Variants in DNAI7 observed in about 807,000 individuals in gnomAD.
DNAI7 encodes dynein axonemal intermediate chain 7, also known as cancer susceptibility 1.
A neutral mutation model predicts 86.6 loss-of-function variants in DNAI7; 78 were observed. That is an observed-to-expected ratio of 0.90 (90% confidence interval 0.75 to 1.09). The LOEUF (loss-of-function observed/expected upper bound fraction) is 1.09, where lower values mean the gene tolerates loss of function less well. Among genes scored for constraint, DNAI7 ranks in the 50% least tolerant of loss-of-function variants. The probability of loss-of-function intolerance (pLI) is 0.00; values close to 1 mark genes in which losing one functional copy is unlikely to be tolerated. For missense variants in DNAI7, 753 were observed against 810.2 expected, an observed-to-expected ratio of 0.93 and a Z score of 0.86; for synonymous variants, 274 against 273.0, an observed-to-expected ratio of 1.00 and a Z score of -0.04.
rs775916614 is a variant in DNAI7 at position 25,154,412 on chromosome 12, T to C, written c.345A>G (p.Val115=). 3.1e-6 allele frequency: 5 copies of C among 1,611,514 alleles called. No individual in the cohort carries two copies. The South Asian group carries it at 3.3e-5, about 11-fold the overall frequency. The change falls in exon 6 of 16, where the codon GTA becomes GTG. Residue 115 remains valine, a synonymous_variant. Transcript: ENST00000395987. ...IQCDGSPDPS[V]AQEMNTFISL... ...TAATAAACGTGTTCATTTCTTGGGC[T>C]ACTGAAGGATCAGGACTCCCATCAC...
intron 15 of DNAI7, 61 bp from the exon 16 acceptor site, chr12:25,108,884 TAGC>T (rs1387184527): frequency 1.9e-6 from 2 of 1,030,610 alleles, no homozygotes; most frequent in Non-Finnish European, 2.7e-6. Context: ...AGTATTTTGG[TAGC>T]AGATTATTAT....
intron 7 of DNAI7, among the ~76,000 whole-genome samples, chr12:25,147,523 C>T (rs539413113): frequency 4.3e-4 from 65 of 151,810 alleles, no homozygotes; most frequent in African/African-American, 1.5e-3. Flanking sequence ...TGGTGTGCAA[C>T]TGTAGTCCCA....
At chr12:25,170,013 G>A (rs763637308) in intron 2 of DNAI7, among the ~76,000 whole-genome samples, 4 of 152,100 alleles carry the variant, frequency 2.6e-5, no homozygotes, top group Non-Finnish European at 4.4e-5. Flanking sequence ...AGCGAGCAGG[G>A]GTAGCTATTC....
intron 10 of DNAI7, 25 bp downstream of exon 10, chr12:25,123,186 A>T: frequency 1.4e-6 from 2 of 1,454,080 alleles, no homozygotes; most frequent in South Asian, 1.2e-5. Context: ...ATAAAGTTAA[A>T]TTCTTAAAAT....
At chr12:25,147,476 A>ACCT (rs139493103) in intron 7 of DNAI7, among the ~76,000 whole-genome samples, 1 of 148,004 alleles carries the variant, frequency 6.8e-6, no homozygotes, top group Non-Finnish European at 1.5e-5. Context: ...ACATAATGAG[A>ACCT]CCACCCCCAT....
intron 9 of DNAI7, among the ~76,000 whole-genome samples, chr12:25,136,816 C>G (rs1943610634): frequency 6.6e-6 from 1 of 152,018 alleles, no homozygotes; most frequent in Non-Finnish European, 1.5e-5. Flanking sequence ...GAAAGAACTT[C>G]AAAGCTTGAA....
intron 6 of DNAI7, among the ~76,000 whole-genome samples, chr12:25,152,278 T>TA (rs1945645266): frequency 6.6e-6 from 1 of 152,184 alleles, no homozygotes; most frequent in African/African-American, 2.4e-5. Flanking sequence ...ACCATGTGAT[T>TA]AGAGGGCTGA....
intron 4 of DNAI7, among the ~76,000 whole-genome samples, chr12:25,156,598 G>A (rs995863353): frequency 5.3e-5 from 8 of 151,906 alleles, no homozygotes; most frequent in African/African-American, 9.7e-5. Flanking sequence ...AAAATTAGCC[G>A]GGCGCGGTGG....
intron 15 of DNAI7, 32 bp from the exon 16 acceptor site, chr12:25,108,855 A>G: frequency 9.5e-7 from 1 of 1,049,548 alleles, no homozygotes; most frequent in Non-Finnish European, 1.3e-6. Context: ...GCAAGTTGTT[A>G]ATAATTCCTC....
chr12:25,123,664 G>T (rs1420889038), intron 9 of DNAI7, among the ~76,000 whole-genome samples: 1 of 152,124 alleles, frequency 6.6e-6, no homozygotes, highest in Non-Finnish European at 1.5e-5. Context: ...CCCAAAGCCT[G>T]CTTTTGGGTA....
At chr12:25,163,355 A>C (rs369141030) in intron 2 of DNAI7, among the ~76,000 whole-genome samples, 1 of 152,058 alleles carries the variant, frequency 6.6e-6, no homozygotes, top group Non-Finnish European at 1.5e-5. Flanking sequence ...AACTGATGAC[A>C]TTATCTTGTG....
At chr12:25,160,399 G>C (rs750249860) in intron 3 of DNAI7, among the ~76,000 whole-genome samples, 2 of 151,978 alleles carry the variant, frequency 1.3e-5, no homozygotes, top group Non-Finnish European at 2.9e-5. Flanking sequence ...AACCTTTTTC[G>C]ATTACTGACT....
chr12:25,143,861 A>C (rs1393479223), intron 9 of DNAI7, among the ~76,000 whole-genome samples: 3 of 152,226 alleles, frequency 2.0e-5, no homozygotes, highest in African/African-American at 2.4e-5. Context: ...AAAAGAGAAG[A>C]AGCTAACTAA....
chr12:25,133,132 T>A (rs1943128009), intron 9 of DNAI7, among the ~76,000 whole-genome samples: 1 of 151,562 alleles, frequency 6.6e-6, no homozygotes, highest in African/African-American at 2.4e-5. Context: ...TAGTTCAGTT[T>A]GTTTTTATAT....
chr12:25,134,682 T>C (rs1337739266), intron 9 of DNAI7, among the ~76,000 whole-genome samples: 2 of 152,136 alleles, frequency 1.3e-5, no homozygotes, highest in African/African-American at 4.8e-5. Flanking sequence ...TGTGGCACTT[T>C]CAACATCATC....
At chr12:25,155,969 G>A (rs1946114497) in intron 4 of DNAI7, among the ~76,000 whole-genome samples, 1 of 152,218 alleles carries the variant, frequency 6.6e-6, no homozygotes, top group Non-Finnish European at 1.5e-5. Flanking sequence ...GCCGGGTATG[G>A]TGGCGTGTGC....
intron 12 of DNAI7, among the ~76,000 whole-genome samples, chr12:25,116,419 T>A (rs952870873): frequency 1.3e-5 from 2 of 152,210 alleles, no homozygotes; most frequent in African/African-American, 4.8e-5. Flanking sequence ...TGTAAATTAC[T>A]GCTTTCTAAT....
chr12:25,148,615 T>C lies in DNAI7; in HGVS notation c.585+1013A>G, dbSNP rs572760133. ...CCACATTAGATAGATGGCATTCTAC[T>C]GTAAAGAACTGTTCTTTCTTCACTC... is the stretch of plus-strand genomic sequence containing the variant. On this transcript the variant is annotated intron_variant, in intron 7 of 15. Coordinates refer to ENST00000395987, the MANE Select transcript of DNAI7 (RefSeq NM_018272.5). 1.2e-3 allele frequency among the ~76,000 whole-genome samples: 182 copies of C among 152,344 alleles called. 1 individual carries two copies. Among genetic ancestry groups the C allele is most frequent in the South Asian group, 6.0e-3 (29 of 4,824 alleles).
chr12:25,115,839 C>A (rs887549990), intron 12 of DNAI7, among the ~76,000 whole-genome samples: 2 of 152,176 alleles, frequency 1.3e-5, no homozygotes, highest in Non-Finnish European at 2.9e-5. Flanking sequence ...AAAACATGTC[C>A]ACACAGAGAC....
Sources: allele counts gnomAD v4.1 joint callset (sites outside exome capture counted in the v4.1 genomes callset), GRCh38; gene constraint gnomAD v4.1.1; transcripts MANE v1.5; gene names NCBI Gene and HGNC (gene_info 2026-07-23, HGNC 2026-07-21).